The following SACS variants were observed in gnomAD, a reference collection of about 807,000 sequenced individuals.
SACS encodes sacsin.
Under a neutral mutation model 348.0 loss-of-function variants are expected in SACS, and 197 were observed. The ratio of observed to expected loss-of-function variants is 0.57; its 90% CI spans 0.50 to 0.64. SACS has a LOEUF of 0.64. Ranked by LOEUF, SACS falls within the 30% of genes least tolerant of loss-of-function variation. SACS has a pLI of 0.00. For synonymous variants in SACS, 1,985 were observed against 1,910.6 expected (o/e 1.04, Z -1.02); for missense variants, 4,999 against 5,360.8 (o/e 0.93, Z 2.11).
intron 2 of SACS, among the ~76,000 whole-genome samples, chr13:23,397,702 C>A (rs1872761070): frequency 1.3e-5 from 2 of 152,162 alleles, no homozygotes; most frequent in South Asian, 4.1e-4. Flanking sequence ...CCTCTATTTA[C>A]TTTTGAATAC....
intron 2 of SACS, among the ~76,000 whole-genome samples, chr13:23,396,759 T>G (rs1872727221): frequency 6.6e-6 from 1 of 152,166 alleles, no homozygotes; most frequent in Admixed American, 6.6e-5. Flanking sequence ...TAGTTAACAG[T>G]TAAGTTAACT....
chr13:23,400,708 C>A (rs892466729), intron 2 of SACS, among the ~76,000 whole-genome samples: 2 of 152,224 alleles, frequency 1.3e-5, no homozygotes, highest in African/African-American at 2.4e-5. Context: ...GCGTGAGCCA[C>A]CGCGCCCGGC....
intron 1 of SACS, among the ~76,000 whole-genome samples, chr13:23,416,226 G>A (rs1011694212): frequency 2.0e-5 from 3 of 147,418 alleles, no homozygotes; most frequent in East Asian, 3.9e-4. Flanking sequence ...AGGTTGCAGT[G>A]AGCCAAGATC....
At chr13:23,359,341 A>T (rs950185912) in intron 6 of SACS, among the ~76,000 whole-genome samples, 7 of 152,202 alleles carry the variant, frequency 4.6e-5, no homozygotes, top group Admixed American at 1.3e-4. Flanking sequence ...AATTTATTTT[A>T]AAAAATAAAT....
intron 2 of SACS, among the ~76,000 whole-genome samples, chr13:23,399,989 G>A (rs997856031): frequency 1.2e-4 from 18 of 152,128 alleles, no homozygotes; most frequent in African/African-American, 3.6e-4. Context: ...GACTGCTATC[G>A]GCCAGGGGTG....
At chr13:23,383,687 C>G (rs771840362) in intron 2 of SACS, among the ~76,000 whole-genome samples, 1 of 152,208 alleles carries the variant, frequency 6.6e-6, no homozygotes, top group Admixed American at 6.5e-5. Flanking sequence ...CTCTCTCCCC[C>G]CAACACTGTT....
At chr13:23,412,410 T>TC (rs1491018797) in intron 1 of SACS, among the ~76,000 whole-genome samples, 1 of 6,348 alleles carries the variant, frequency 1.6e-4, no homozygotes, top group East Asian at 2.8e-3. Context: ...CCAAACCCTT[T>TC]TTTTTTTTTT....
rs770733719 is a variant in SACS at position 23,330,902 on chromosome 13, C to T, written c.12974G>A (p.Arg4325Gln). Residue 4325 changes from arginine (R) to glutamine (Q), a missense_variant, in exon 10 of 10, where the codon CGA (arginine) becomes CAA (glutamine). By Grantham distance (43) the Arg-to-Gln change is conservative. This residue lies in a region of SACS where 831 missense variants were observed against 941.8 expected (regional missense o/e 0.88). Coordinates refer to ENST00000382292, the MANE Select transcript of SACS (RefSeq NM_014363.6). ...EQAWKLPESE[R>Q]KKIIRRLYLK... ...ATACAACCGCCTAATAATCTTTTTT[C>T]GTTCCGATTCTGGAAGCTTCCATGC... 10 of 1,613,832 alleles carry T rather than the reference C, an allele frequency of 6.2e-6. No homozygotes were observed. The highest frequency in any genetic ancestry group is 1.6e-4 in the Middle Eastern group (1 of 6,084).
At position 23,356,992 on chromosome 13, in the gene SACS, C is replaced by A. The variant is rs530772958; in HGVS notation, c.605-985G>T. Among the ~76,000 whole-genome samples, 4 of 152,284 alleles carry A rather than the reference C, an allele frequency of 2.6e-5. No homozygotes were observed. The East Asian group carries it at 7.7e-4, about 29-fold the overall frequency. On this transcript the variant is annotated intron_variant, in intron 7 of 9. Transcript: ENST00000382292. Reference sequence around the variant, plus strand: ...CCTGCTCCCAAGGCACAGAGTCGCACCCCCATGAATGAAATCAGGCCAGGT... The same window carrying A: ...CCTGCTCCCAAGGCACAGAGTCGCAACCCCATGAATGAAATCAGGCCAGGT...
In SACS at chr13:23,369,867, T is replaced by C. The variant is rs1871278905; in HGVS notation, c.259+1211A>G. Among the ~76,000 whole-genome samples, 4 of 151,456 alleles carry C rather than the reference T, an allele frequency of 2.6e-5. No homozygotes were observed. In the South Asian group the frequency reaches 8.4e-4, roughly 32 times the overall value. On this transcript the variant is annotated intron_variant, in intron 4 of 9. Transcript: ENST00000382292. ...GCCTATCCCACTCACACTTCTTTTTTTTTTTTTTTGAGACGGAGTCTTGCA... is the reference window on the plus strand; with the variant it reads ...GCCTATCCCACTCACACTTCTTTTTCTTTTTTTTTGAGACGGAGTCTTGCA...
rs1243201139 is a variant in SACS at position 23,365,140 on chromosome 13, ATT to A, written c.457+24_457+25del. 7 of 1,474,970 alleles carry A rather than the reference ATT, an allele frequency of 4.7e-6. No homozygotes were observed. In the African/African-American group the frequency reaches 8.3e-5, roughly 18 times the overall value. The allele number at this position is 1,474,970 out of a possible 1,614,324, so 91.4% of individuals were successfully genotyped here. A position where few individuals can be genotyped will look rare whatever the true frequency, so the allele number is the denominator to read the frequency against. ...ACTGCCTGTTAGTGCATACAATAAA[ATT>A]TGTTCCTAATTATTGATTCTTACCC... On this transcript the variant is annotated intron_variant, in intron 6 of 9. Coordinates refer to ENST00000382292, the MANE Select transcript of SACS (RefSeq NM_014363.6).
chr13:23,427,805 G>C (rs6490794), intron 1 of SACS: 92,168 of 152,106 alleles, frequency 0.61, 29,110 homozygotes, highest in East Asian at 0.82. Context: ...CAGAAACTAG[G>C]ACAGCAACAC....
chr13:23,388,485 G>GTATATA (rs200207993), intron 2 of SACS, among the ~76,000 whole-genome samples: 15 of 83,474 alleles, frequency 1.8e-4, no homozygotes, highest in South Asian at 7.0e-4. Flanking sequence ...TATGGTGTGT[G>GTATATA]TGTATATATA....
In SACS at chr13:23,329,254, T is replaced by G. The variant is rs886050069; in HGVS notation, c.*882A>C. On this transcript the variant is annotated 3_prime_UTR_variant, in exon 10 of 10. Transcript: ENST00000382292. ...CATGCCATATTGAAAGAAAAGGTTG[T>G]TTTTTTTTTAACTGCAGCACCTTTA... is the stretch of plus-strand genomic sequence containing the variant. 42 of 385,044 alleles carry G rather than the reference T, an allele frequency of 1.1e-4. No individual in the cohort carries two copies. Among genetic ancestry groups the G allele is most frequent in the Non-Finnish European group, 8.0e-5 (17 of 213,362 alleles). The allele number at this position is 385,044 out of a possible 1,614,324, so 23.9% of individuals were successfully genotyped here.
chr13:23,375,217 C>T lies in SACS; in HGVS notation c.73G>A (p.Ala25Thr). 1 of 1,499,684 alleles carries T rather than the reference C, an allele frequency of 6.7e-7. No homozygotes were observed. Among genetic ancestry groups the T allele is most frequent in the Non-Finnish European group, 8.9e-7 (1 of 1,123,766 alleles). The allele number at this position is 1,499,684 out of a possible 1,614,324, so 92.9% of individuals were successfully genotyped here. A position where few individuals can be genotyped will look rare whatever the true frequency, so the allele number is the denominator to read the frequency against. The change falls in exon 3 of 10, where the codon GCG becomes ACG. Residue 25 changes from alanine (A) to threonine (T), a missense_variant. By Grantham distance (58) the Ala-to-Thr change is moderately conservative. Coordinates refer to ENST00000382292, the MANE Select transcript of SACS (RefSeq NM_014363.6). Reference sequence around the variant, plus strand: ...TCGCGCACGGTCCAGGACGCCAGCGCCGCGACGGTCCTGCAGCCCACGCAG... The same window carrying T: ...TCGCGCACGGTCCAGGACGCCAGCGTCGCGACGGTCCTGCAGCCCACGCAG... Reference protein sequence around the residue: ...PGCVGCRTVAALASWTVRDVK... With the variant: ...PGCVGCRTVATLASWTVRDVK...
intron 2 of SACS, among the ~76,000 whole-genome samples, chr13:23,406,840 T>C (rs1873244465): frequency 6.6e-6 from 1 of 152,222 alleles, no homozygotes; most frequent in South Asian, 2.1e-4. Context: ...TTTGGTTATC[T>C]TGAATCAAAA....
chr13:23,430,297 G>T (rs1874383866), intron 1 of SACS, among the ~76,000 whole-genome samples: 1 of 152,132 alleles, frequency 6.6e-6, no homozygotes, highest in African/African-American at 2.4e-5. Context: ...TATGTTTGAA[G>T]CTTAAAGACC....
rs141353693 is a variant in SACS, at chr13:23,332,896, G to A, written c.10980C>T (p.Pro3660=). Residue 3660 remains proline, a synonymous_variant, in exon 10 of 10, where the codon CCC becomes CCT. Transcript: ENST00000382292. ...GAGGATGAAATCTAATGAATTCCGC[G>A]GGGGCCCGCTCAGGACATAAGAATG... ...LIPFLCPERA[P]AEFIRFHPQY... is the part of the protein sequence containing the mutation. 2.5e-5 allele frequency: 41 copies of A among 1,613,686 alleles called. No individual in the cohort carries two copies. Among genetic ancestry groups the A allele is most frequent in the South Asian group, 1.1e-4 (10 of 91,084 alleles).
chr13:23,363,340 G>C lies in SACS; in HGVS notation c.457+1826C>G, dbSNP rs576532452. Reference sequence around the variant, plus strand: ...CCTCCCAGGTTCAAGCGATTCTCCTGCCTCAGCCTCCCAAGTAGCTGTGAT... The same window carrying C: ...CCTCCCAGGTTCAAGCGATTCTCCTCCCTCAGCCTCCCAAGTAGCTGTGAT... On this transcript the variant is annotated intron_variant, in intron 6 of 9. Coordinates refer to ENST00000382292, the MANE Select transcript of SACS (RefSeq NM_014363.6). Among the ~76,000 whole-genome samples, 352 of 152,068 alleles carry C rather than the reference G, an allele frequency of 2.3e-3. 1 individual carries two copies. Among genetic ancestry groups the C allele is most frequent in the African/African-American group, 8.1e-3 (335 of 41,464 alleles).
Sources: gnomAD v4.1 joint callset for allele counts (sites outside exome capture counted in the v4.1 genomes callset) on GRCh38, gnomAD v4.1.1 for gene constraint, gnomAD v4.1.1 regional missense constraint, MANE v1.5 for transcripts, NCBI Gene and HGNC (gene_info 2026-07-23, HGNC 2026-07-21) for gene names.